Variants in NR3C2 observed in about 807,000 individuals in gnomAD.
NR3C2 encodes nuclear receptor subfamily 3 group C member 2.
NR3C2 carries 15 observed loss-of-function variants against 86.4 expected under a neutral mutation model. The ratio of observed to expected loss-of-function variants is 0.17; its 90% CI spans 0.12 to 0.27. The LOEUF (loss-of-function observed/expected upper bound fraction) is 0.27. NR3C2 is among the 10% of genes least tolerant of loss of function. NR3C2 has a pLI of 1.00. For missense variants in NR3C2, 960 were observed against 1,195.6 expected (o/e 0.80, Z 2.91); for synonymous variants, 458 against 450.5 (o/e 1.02, Z -0.21).
rs548644590 is a variant in NR3C2 at position 148,262,465 on chromosome 4, G to A, written c.1758-2348C>T. Among the ~76,000 whole-genome samples, 18 of 152,008 alleles carry A rather than the reference G, an allele frequency of 1.2e-4. No homozygotes were observed. In the East Asian group the frequency reaches 3.1e-3, roughly 26 times the overall value. On this transcript the variant is annotated intron_variant, in intron 2 of 8. Coordinates refer to ENST00000358102, the MANE Select transcript of NR3C2 (RefSeq NM_000901.5). ...GTATCTCCACTTGGGTGTCTAACAC[G>A]CACCTCAACCTCAACATGGGCAAAA... is the stretch of plus-strand genomic sequence containing the variant.
intron 2 of NR3C2, among the ~76,000 whole-genome samples, chr4:148,285,710 A>G (rs1436934390): frequency 6.6e-6 from 1 of 152,072 alleles, no homozygotes; most frequent in Non-Finnish European, 1.5e-5. Context: ...TGTCTCAAAA[A>G]AAACAAAAAC....
At chr4:148,415,202 G>A (rs534474861) in intron 2 of NR3C2, among the ~76,000 whole-genome samples, 22 of 152,082 alleles carry the variant, frequency 1.4e-4, no homozygotes, top group African/African-American at 2.7e-4. Context: ...AAGGATTGTC[G>A]ATCTAACCTA....
chr4:148,092,572 A>AT, intron 8 of NR3C2, among the ~76,000 whole-genome samples: 1 of 152,154 alleles, frequency 6.6e-6, no homozygotes. Flanking sequence ...TTTCAACAGT[A>AT]TTTTTTAGGG....
At chr4:148,399,008 G>C (rs542167789) in intron 2 of NR3C2, among the ~76,000 whole-genome samples, 9 of 152,336 alleles carry the variant, frequency 5.9e-5, no homozygotes, top group Admixed American at 2.6e-4. Context: ...TTTAGGAAAA[G>C]TGAACAAGTG....
At chr4:148,172,302 A>C (rs371216784) in intron 4 of NR3C2, among the ~76,000 whole-genome samples, 46 of 152,300 alleles carry the variant, frequency 3.0e-4, no homozygotes, top group African/African-American at 1.0e-3. Flanking sequence ...TTCTGGTGAC[A>C]AAAATTTTAG....
chr4:148,161,431 C>A (rs933778354), intron 4 of NR3C2, among the ~76,000 whole-genome samples: 1 of 151,736 alleles, frequency 6.6e-6, no homozygotes. Flanking sequence ...CTCACTGCAA[C>A]CTCCGTCTCC....
chr4:148,147,501 CTAT>C (rs2149759703), intron 6 of NR3C2, among the ~76,000 whole-genome samples: 1 of 152,342 alleles, frequency 6.6e-6, no homozygotes, highest in South Asian at 2.1e-4. Flanking sequence ...GGAGTACCTA[CTAT>C]GACTGAGGCA....
rs750640055 is a variant in NR3C2, at chr4:148,152,450, C to T, written c.2510+19G>A. ...AACTCTGCAGTTTATTTTATGAAGG[C>T]TAATTAATAGGTACTTACTCATTAA... On this transcript the variant is annotated intron_variant, in intron 6 of 8. Transcript: ENST00000358102. The T allele has an allele frequency of 1.9e-6, 3 of 1,611,270 alleles. No individual in the cohort carries two copies. Among genetic ancestry groups the T allele is most frequent in the Non-Finnish European group, 8.5e-7 (1 of 1,177,960 alleles).
chr4:148,212,308 C>T (rs1356504989), intron 3 of NR3C2, among the ~76,000 whole-genome samples: 1 of 152,244 alleles, frequency 6.6e-6, no homozygotes, highest in Non-Finnish European at 1.5e-5. Flanking sequence ...ATCTATATCA[C>T]AGCCTCTCCA....
intron 2 of NR3C2, among the ~76,000 whole-genome samples, chr4:148,376,153 A>AAAC (rs1183318198): frequency 6.6e-6 from 1 of 151,594 alleles, no homozygotes; most frequent in Non-Finnish European, 1.5e-5. Context: ...GGCAAAAAAA[A>AAAC]AAAAAAAAAC....
At chr4:148,153,799 A>G (rs533731716) in intron 5 of NR3C2, among the ~76,000 whole-genome samples, 27 of 152,170 alleles carry the variant, frequency 1.8e-4, no homozygotes, top group Non-Finnish European at 3.8e-4. Flanking sequence ...ATTATTTTTT[A>G]GACAGAAGAG....
At chr4:148,358,322 G>A (rs535939248) in intron 2 of NR3C2, among the ~76,000 whole-genome samples, 67 of 152,032 alleles carry the variant, frequency 4.4e-4, no homozygotes, top group Non-Finnish European at 9.4e-4. Context: ...TCCTTTGTAG[G>A]GACATGGATG....
intron 2 of NR3C2, among the ~76,000 whole-genome samples, chr4:148,269,091 C>T (rs1273196815): frequency 6.6e-6 from 1 of 151,974 alleles, no homozygotes; most frequent in Non-Finnish European, 1.5e-5. Context: ...CTGAGCCTAC[C>T]CAAAAGCTGA....
intron 3 of NR3C2, among the ~76,000 whole-genome samples, chr4:148,216,006 T>C (rs1737517110): frequency 6.6e-6 from 1 of 152,034 alleles, no homozygotes; most frequent in Admixed American, 6.6e-5. Context: ...GCCAGGATGG[T>C]CGTGATCTCC....
chr4:148,228,746 C>T (rs1259398907), intron 3 of NR3C2, among the ~76,000 whole-genome samples: 3 of 152,126 alleles, frequency 2.0e-5, no homozygotes, highest in Non-Finnish European at 4.4e-5. Flanking sequence ...AAAAGAACTA[C>T]TGAAATTTGA....
At chr4:148,364,553 A>G (rs921817629) in intron 2 of NR3C2, among the ~76,000 whole-genome samples, 1 of 152,264 alleles carries the variant, frequency 6.6e-6, no homozygotes, top group Non-Finnish European at 1.5e-5. Flanking sequence ...ATGCCTCTTA[A>G]CAATCCTTAA....
intron 8 of NR3C2, among the ~76,000 whole-genome samples, chr4:148,093,742 T>G (rs930397383): frequency 2.6e-5 from 4 of 152,140 alleles, no homozygotes; most frequent in Admixed American, 6.5e-5. Context: ...GAAAATGACC[T>G]GCAGTGATTA....
intron 2 of NR3C2, among the ~76,000 whole-genome samples, chr4:148,404,953 T>C (rs1307107384): frequency 6.6e-6 from 1 of 152,202 alleles, no homozygotes; most frequent in African/African-American, 2.4e-5. Flanking sequence ...GAGAATTAGA[T>C]GGTTCCAAAC....
At chr4:148,163,963 T>TCTAATCAGAAGGTCAAATCA (rs1734774061) in intron 4 of NR3C2, among the ~76,000 whole-genome samples, 1 of 152,188 alleles carries the variant, frequency 6.6e-6, no homozygotes, top group African/African-American at 2.4e-5. Context: ...CAACATCTAA[T>TCTAATCAGAAGGTCAAATCA]GACATCTAAT....
Sources: gnomAD v4.1 joint callset for allele counts (sites outside exome capture counted in the v4.1 genomes callset) on GRCh38, gnomAD v4.1.1 for gene constraint, MANE v1.5 for transcripts, NCBI Gene and HGNC (gene_info 2026-07-23, HGNC 2026-07-21) for gene names.